The following PALB2 variants were observed in gnomAD, a reference collection of about 807,000 sequenced individuals.
The protein encoded by PALB2 is mutant partner and localizer of BRCA2.
PALB2 carries 82 observed loss-of-function variants against 107.4 expected under a neutral mutation model. The observed-to-expected ratio is 0.76, with a 90% CI of 0.64 to 0.92. The LOEUF (loss-of-function observed/expected upper bound fraction) is 0.92. Ranked by LOEUF, PALB2 falls within the 40% of genes least tolerant of loss-of-function variation. The pLI is 0.00. For synonymous variants in PALB2, 489 were observed against 496.8 expected (o/e 0.98, Z 0.21); for missense variants, 1,374 against 1,379.9 (o/e 1.00, Z 0.07).
intron 4 of PALB2, among the ~76,000 whole-genome samples, chr16:23,631,267 G>A (rs1966874353): frequency 8.4e-6 from 1 of 119,534 alleles, no homozygotes; most frequent in South Asian, 3.2e-4. Flanking sequence ...GCGACAGAGT[G>A]AGACTCTGTC....
intron 10 of PALB2, among the ~76,000 whole-genome samples, chr16:23,614,736 C>A (rs1292714959): frequency 6.9e-6 from 1 of 145,934 alleles, no homozygotes. Flanking sequence ...CTGCAAGCTC[C>A]GCCTCCCGGG....
At chr16:23,615,591 G>A (rs1455776377) in intron 10 of PALB2, among the ~76,000 whole-genome samples, 1 of 151,820 alleles carries the variant, frequency 6.6e-6, no homozygotes, top group Non-Finnish European at 1.5e-5. Context: ...AGGTGTGAGA[G>A]ACTGCACCTG....
chr16:23,626,433 T>C (rs760914088), intron 6 of PALB2, 36 bp from the exon 7 acceptor site: 19 of 1,612,522 alleles, frequency 1.2e-5, no homozygotes, highest in Non-Finnish European at 1.6e-5. Flanking sequence ...AAAGTGGCAC[T>C]CGAGTGCTGT....
At position 23,616,838 on chromosome 16, in the gene PALB2, G is replaced by A. The variant is rs113371603; in HGVS notation, c.3114-2747C>T. On this transcript the variant is annotated intron_variant, in intron 10 of 12. Coordinates refer to ENST00000261584, the MANE Select transcript of PALB2 (RefSeq NM_024675.4). ...AGAAATTTTTTTTTTTTTTTGAGAC[G>A]GAGTCTCATTGTCGCCCAGGCTGGA... is the stretch of plus-strand genomic sequence containing the variant. 1.0e-4 allele frequency among the ~76,000 whole-genome samples: 15 copies of A among 149,532 alleles called. No individual in the cohort carries two copies. In the East Asian group the frequency reaches 1.8e-3, roughly 17 times the overall value.
chr16:23,603,786 C>G, intron 12 of PALB2, 117 bp from the exon 13 acceptor site: 1 of 844,622 alleles, frequency 1.2e-6, no homozygotes, highest in Non-Finnish European at 1.9e-6. Context: ...ATCCCTGTAA[C>G]TATGAATGCC....
intron 6 of PALB2, among the ~76,000 whole-genome samples, chr16:23,627,242 C>A (rs1459398469): frequency 6.6e-6 from 1 of 151,552 alleles, no homozygotes; most frequent in Non-Finnish European, 1.5e-5. Flanking sequence ...AATCCCAGCA[C>A]TTTGGGAGGC....
chr16:23,608,801 T>TACACACACACACACACACACACACAC (rs10525601), intron 11 of PALB2, among the ~76,000 whole-genome samples: 1 of 143,762 alleles, frequency 7.0e-6, no homozygotes, highest in East Asian at 2.1e-4. Flanking sequence ...TGTATATATA[T>TACACACACACACACACACACACACAC]ACACACACAC....
At chr16:23,609,768 A>G (rs551749924) in intron 11 of PALB2, among the ~76,000 whole-genome samples, 15 of 152,252 alleles carry the variant, frequency 9.9e-5, no homozygotes, top group East Asian at 9.7e-4. Context: ...CGCCCGCCTT[A>G]GCCTCCCAAA....
intron 10 of PALB2, among the ~76,000 whole-genome samples, chr16:23,619,513 G>A (rs573847786): frequency 8.3e-4 from 126 of 151,842 alleles, no homozygotes; most frequent in African/African-American, 3.0e-3. Context: ...TAGTAGAGAC[G>A]AGGTATCTTT....
Position 23,608,001 on chromosome 16 carries a change from A to C in PALB2, c.3213T>G (p.Phe1071Leu), listed in dbSNP as rs774412039. ...HKAYSEMGLL[F>L]IVLSHPCAKE... ...TGGCACAGGGATGACTCAGGACAAT[A>C]AAGAGAAGCCCCTAATTTCGGAGAA... The change falls in exon 12 of 13, where the codon TTT becomes TTG. Residue 1071 changes from phenylalanine to leucine, a missense_variant. Phe to Leu is a conservative substitution (Grantham distance 22). Coordinates refer to ENST00000261584, the MANE Select transcript of PALB2 (RefSeq NM_024675.4). 6.2e-7 allele frequency: 1 copy of C among 1,613,980 alleles called. No homozygotes were observed. Among genetic ancestry groups the C allele is most frequent in the African/African-American group, 1.3e-5 (1 of 75,028 alleles).
chr16:23,614,147 G>A, intron 10 of PALB2, 56 bp from the exon 11 acceptor site: 8 of 1,294,984 alleles, frequency 6.2e-6, no homozygotes, highest in Non-Finnish European at 8.8e-6. Context: ...CCAGTTTTCA[G>A]AAAATATTTT....
chr16:23,640,888 T>C (rs925042196), intron 1 of PALB2: 1 of 593,292 alleles, frequency 1.7e-6, no homozygotes, highest in Non-Finnish European at 3.0e-6. Flanking sequence ...TTACACATTG[T>C]ATTAATGCGC....
intron 3 of PALB2, 131 bp downstream of exon 3, chr16:23,637,719 T>C: frequency 1.4e-6 from 1 of 713,808 alleles, no homozygotes; most frequent in South Asian, 1.7e-5. Context: ...AAAAATAAAA[T>C]TAAAATTAAA....
Position 23,635,457 on chromosome 16 carries a change from A to G in PALB2, c.1089T>C (p.Asp363=), listed in dbSNP as rs1597097155. 2 of 1,614,168 alleles carry G rather than the reference A, an allele frequency of 1.2e-6. No homozygotes were observed. Among genetic ancestry groups the G allele is most frequent in the Non-Finnish European group, 1.7e-6 (2 of 1,180,016 alleles). The part of the protein sequence containing the change: ...KSLKSPSDTL[D]GRNENLQESE... ...TTTCCTGAAGATTTTCATTCCTGCC[A>G]TCAAGAGTGTCACTGGGAGATTTTA... The change falls in exon 4 of 13, where the codon GAT becomes GAC. Residue 363 remains aspartate, a synonymous_variant. Transcript: ENST00000261584.
intron 6 of PALB2, among the ~76,000 whole-genome samples, chr16:23,627,493 C>CAA (rs749429582): frequency 3.3e-4 from 18 of 54,618 alleles, no homozygotes; most frequent in African/African-American, 6.4e-4. Flanking sequence ...GACTCCGTCT[C>CAA]AAAAAAAAAA....
In PALB2 at chr16:23,614,003, C is replaced by G. The variant is rs587776423; in HGVS notation, c.3201+1G>C. The G allele has an allele frequency of 6.2e-7, 1 of 1,609,296 alleles. No individual in the cohort carries two copies. The highest frequency in any genetic ancestry group is 8.5e-7 in the Non-Finnish European group (1 of 1,175,790). Reference sequence around the variant, plus strand: ...AGTGGTCCCAGCCAGTCATTACTTACCATTTCAGAATAGGCTTTGTGACAG... The same window carrying G: ...AGTGGTCCCAGCCAGTCATTACTTAGCATTTCAGAATAGGCTTTGTGACAG... On this transcript the variant is annotated splice_donor_variant, in intron 11 of 12. Transcript: ENST00000261584. LOFTEE classifies it high-confidence loss of function.
chr16:23,613,929 T>C (rs1251603934), intron 11 of PALB2, 75 bp downstream of exon 11: 3 of 1,106,542 alleles, frequency 2.7e-6, no homozygotes, highest in Admixed American at 3.7e-5. Context: ...TGTTCATTAC[T>C]GCTTATGACT....
At position 23,636,001 on chromosome 16, in the gene PALB2, A is replaced by G. The variant is rs1967039388; in HGVS notation, c.545T>C (p.Ile182Thr). 1 of 1,614,024 alleles carries G rather than the reference A, an allele frequency of 6.2e-7. No homozygotes were observed. The highest frequency in any genetic ancestry group is 1.1e-5 in the South Asian group (1 of 91,082). ...SGKRLKEQEE[I>T]SSKNPARSPV... ...TGATCTAGCAGGATTTTTGCTACTG[A>G]TTTCTTCCTGTTCCTTTAGTCTTTT... Residue 182 changes from isoleucine (I) to threonine (T), a missense_variant, in exon 4 of 13, where the codon ATC becomes ACC. Ile to Thr is a moderately conservative substitution (Grantham distance 89). Transcript: ENST00000261584.
chr16:23,625,922 A>AG (rs1399717207), intron 7 of PALB2, among the ~76,000 whole-genome samples: 1 of 152,150 alleles, frequency 6.6e-6, no homozygotes, highest in African/African-American at 2.4e-5. Flanking sequence ...TTGAAACTGC[A>AG]GTGAGCCGTG....
Sources: gnomAD v4.1 joint callset for allele counts (sites outside exome capture counted in the v4.1 genomes callset) on GRCh38, gnomAD v4.1.1 for gene constraint, MANE v1.5 for transcripts, NCBI Gene and HGNC (gene_info 2026-07-23, HGNC 2026-07-21) for gene names.